The following PIK3R5 variants were observed in gnomAD, a reference collection of about 807,000 sequenced individuals.
PIK3R5 encodes the protein phosphoinositide-3-kinase regulatory subunit 5.
PIK3R5 carries 32 observed loss-of-function variants against 94.9 expected under a neutral mutation model. The ratio of observed to expected loss-of-function variants is 0.34; its 90% CI spans 0.25 to 0.45. The LOEUF (loss-of-function observed/expected upper bound fraction) is 0.45, where lower values mean the gene tolerates loss of function less well. Among genes scored for constraint, PIK3R5 ranks in the 20% least tolerant of loss-of-function variants. The pLI is 1.00. For missense variants in PIK3R5, 853 were observed against 1,144.6 expected (o/e 0.75, Z 3.68); for synonymous variants, 443 against 479.4 (o/e 0.92, Z 0.99).
chr17:8,881,421 C>A lies in PIK3R5; in HGVS notation c.2382+209G>T, dbSNP rs921521465. 6.6e-6 allele frequency among the ~76,000 whole-genome samples: 1 copy of A among 152,084 alleles called. No individual in the cohort carries two copies. Among genetic ancestry groups the A allele is most frequent in the Admixed American group, 6.5e-5 (1 of 15,274 alleles). On this transcript the variant is annotated intron_variant, in intron 17 of 18. Transcript: ENST00000447110. The surrounding 1 kb of genome is among the most constrained non-coding windows in gnomAD (Gnocchi z 4.8). Reference sequence around the variant, plus strand: ...CCCCGACACCCCGCAACACTCCACACCTGTGTGCATCCCCAAATCATACCC... The same window carrying A: ...CCCCGACACCCCGCAACACTCCACAACTGTGTGCATCCCCAAATCATACCC...
At chr17:8,919,828 T>TTCCTCTCCTCTCCTCTCCTC (rs373591842) in intron 1 of PIK3R5, among the ~76,000 whole-genome samples, 21 of 151,908 alleles carry the variant, frequency 1.4e-4, no homozygotes, top group African/African-American at 4.8e-4. Context: ...CAGAGTTTCC[T>TTCCTCTCCTCTCCTCTCCTC]TCCTCTCCTC....
chr17:8,895,315 T>G (rs954726189), intron 5 of PIK3R5, among the ~76,000 whole-genome samples: 6 of 152,196 alleles, frequency 3.9e-5, no homozygotes, highest in Non-Finnish European at 5.9e-5. Context: ...CTTTTAACAT[T>G]AACCCACACC....
chr17:8,928,282 A>G (rs761401823), intron 1 of PIK3R5, among the ~76,000 whole-genome samples: 19 of 152,186 alleles, frequency 1.2e-4, no homozygotes, highest in Non-Finnish European at 2.5e-4. Flanking sequence ...TGAGTGTGGA[A>G]CCTGAAGAGG....
chr17:8,943,291 C>A (rs150621107), intron 1 of PIK3R5, among the ~76,000 whole-genome samples: 9 of 152,078 alleles, frequency 5.9e-5, no homozygotes, highest in African/African-American at 1.2e-4. Context: ...AGTCTCAATA[C>A]GTTGTCCAGG....
At position 8,890,844 on chromosome 17, in the gene PIK3R5, G is replaced by T. The variant is rs753871554; in HGVS notation, c.551C>A (p.Thr184Lys). The T allele has an allele frequency of 1.2e-6, 2 of 1,613,440 alleles. No homozygotes were observed. The highest frequency in any genetic ancestry group is 2.2e-5 in the East Asian group (1 of 44,872). ...EFLAVANKLS[T>K]PGHSPHSAYT... ...GGCACTGTGAGGCGAGTGTCCGGGCGTACTCAGCTTATTGGCTACAGCAAG... is the reference window on the plus strand; with the variant it reads ...GGCACTGTGAGGCGAGTGTCCGGGCTTACTCAGCTTATTGGCTACAGCAAG... Residue 184 changes from threonine to lysine, a missense_variant, in exon 7 of 19, where the codon ACG (threonine) becomes AAG (lysine). Coordinates refer to ENST00000447110, the MANE Select transcript of PIK3R5 (RefSeq NM_001142633.3). The surrounding 1 kb of genome is among the most constrained non-coding windows in gnomAD (Gnocchi z 6.1).
At chr17:8,895,408 C>G (rs572833421) in intron 5 of PIK3R5, among the ~76,000 whole-genome samples, 1 of 152,328 alleles carries the variant, frequency 6.6e-6, no homozygotes, top group East Asian at 1.9e-4. Context: ...AAGCAGTAGA[C>G]TCTGACGTCG....
Position 8,904,735 on chromosome 17 carries a change from C to G in PIK3R5, c.412+42G>C. On this transcript the variant is annotated intron_variant, in intron 5 of 18. Transcript: ENST00000447110. The surrounding 1 kb of genome is among the most constrained non-coding windows in gnomAD (Gnocchi z 5.1). ...TCAGAGGAGTTGGAAGCATTCTGAC[C>G]TTCTGAGCCCTGTCCCCCGTGCCAG... 1 of 1,604,390 alleles carries G rather than the reference C, an allele frequency of 6.2e-7. No individual in the cohort carries two copies. Among genetic ancestry groups the G allele is most frequent in the Non-Finnish European group, 8.5e-7 (1 of 1,173,202 alleles).
rs2091258249 is a variant in PIK3R5, at chr17:8,945,580, T to A, written c.-14+20016A>T. ...CTAGACAGGAGGCAAAGCAGACATC[T>A]CAAATCCACCGTAGTCCAGAAACAA... On this transcript the variant is annotated intron_variant, in intron 1 of 18. Transcript: ENST00000447110. The surrounding 1 kb of genome is among the most constrained non-coding windows in gnomAD (Gnocchi z 4.0). Among the ~76,000 whole-genome samples the A allele has an allele frequency of 6.6e-6, 1 of 152,104 alleles. No homozygotes were observed. The highest frequency in any genetic ancestry group is 2.4e-5 in the African/African-American group (1 of 41,420).
At position 8,904,932 on chromosome 17, in the gene PIK3R5, C is replaced by T. The variant is rs1169210618; in HGVS notation, c.274-17G>A. On this transcript the variant is annotated splice_polypyrimidine_tract_variant and intron_variant, in intron 4 of 18. Transcript: ENST00000447110. The surrounding 1 kb of genome is among the most constrained non-coding windows in gnomAD (Gnocchi z 5.1). Reference sequence around the variant, plus strand: ...GTGTGGTGTCTAGGATGGAGGCAGGCAACAAGCAAAGAGATCTAGGTGAGA... The same window carrying T: ...GTGTGGTGTCTAGGATGGAGGCAGGTAACAAGCAAAGAGATCTAGGTGAGA... The T allele has an allele frequency of 6.2e-7, 1 of 1,610,066 alleles. No homozygotes were observed. Among genetic ancestry groups the T allele is most frequent in the Admixed American group, 1.7e-5 (1 of 59,980 alleles).
At chr17:8,891,146 C>A (rs1157425639) in intron 6 of PIK3R5, among the ~76,000 whole-genome samples, 1 of 152,144 alleles carries the variant, frequency 6.6e-6, no homozygotes, top group East Asian at 1.9e-4. Flanking sequence ...CTGTTGTTTT[C>A]AAAGATCTTT....
At chr17:8,891,435 G>A (rs558190966) in intron 6 of PIK3R5, among the ~76,000 whole-genome samples, 1 of 152,096 alleles carries the variant, frequency 6.6e-6, no homozygotes, top group Non-Finnish European at 1.5e-5. Context: ...TTCTTCCTGA[G>A]CTTATGAGGG....
Position 8,945,499 on chromosome 17 carries a change from C to A in PIK3R5, c.-14+20097G>T, listed in dbSNP as rs1417526917. ...GAGCCTGGGACAGGACTGCTAGCAGCAGTGGGAAGAGGAAGGCTGGGCATC... is the reference window on the plus strand; with the variant it reads ...GAGCCTGGGACAGGACTGCTAGCAGAAGTGGGAAGAGGAAGGCTGGGCATC... On this transcript the variant is annotated intron_variant, in intron 1 of 18. Coordinates refer to ENST00000447110, the MANE Select transcript of PIK3R5 (RefSeq NM_001142633.3). The surrounding 1 kb of genome is among the most constrained non-coding windows in gnomAD (Gnocchi z 4.0). Among the ~76,000 whole-genome samples the A allele has an allele frequency of 3.3e-5, 5 of 152,214 alleles. No individual in the cohort carries two copies. The South Asian group carries it at 1.0e-3, about 32-fold the overall frequency.
chr17:8,937,596 T>C (rs375105198), intron 1 of PIK3R5, among the ~76,000 whole-genome samples: 2 of 152,382 alleles, frequency 1.3e-5, no homozygotes, highest in African/African-American at 4.8e-5. Context: ...TTAGCTGTGA[T>C]CTATAATTCT....
Position 8,888,763 on chromosome 17 carries a change from C to T in PIK3R5, c.1024G>A (p.Glu342Lys), listed in dbSNP as rs745951703. ...CTGGTGGAGAGCAGGGAATCTCTCT[C>T]GGCACAGTGCCCGTCAGTTTCCAAG... ...EDLETDGHCA[E>K]RDSLLSTSSL... is the part of the protein sequence containing the mutation. The change falls in exon 10 of 19, where the codon GAG becomes AAG. Residue 342 changes from glutamate to lysine, a missense_variant. By Grantham distance (56) the Glu-to-Lys change is moderately conservative. Coordinates refer to ENST00000447110, the MANE Select transcript of PIK3R5 (RefSeq NM_001142633.3). The surrounding 1 kb of genome is among the most constrained non-coding windows in gnomAD (Gnocchi z 7.8). The T allele has an allele frequency of 8.7e-6, 14 of 1,613,254 alleles. No individual in the cohort carries two copies. Among genetic ancestry groups the T allele is most frequent in the Middle Eastern group, 3.3e-4 (2 of 6,084 alleles).
chr17:8,911,513 TG>T lies in PIK3R5; in HGVS notation c.-13-7del. On this transcript the variant is annotated splice_region_variant and splice_polypyrimidine_tract_variant and intron_variant, in intron 1 of 18. Coordinates refer to ENST00000447110, the MANE Select transcript of PIK3R5 (RefSeq NM_001142633.3). This position sits in a 1 kb window ranked among gnomAD's most constrained non-coding sequence, Gnocchi z 5.3. ...GCTGCATCCTGGGTCATCGCCTGCA[TG>T]GGGGACAGACGCCGGTCAGCTTGTC... 1 of 1,572,790 alleles carries T rather than the reference TG, an allele frequency of 6.4e-7. No individual in the cohort carries two copies. The highest frequency in any genetic ancestry group is 8.6e-7 in the Non-Finnish European group (1 of 1,156,492).
Position 8,901,673 on chromosome 17 carries a change from A to G in PIK3R5, c.412+3104T>C, listed in dbSNP as rs560301428. On this transcript the variant is annotated intron_variant, in intron 5 of 18. Transcript: ENST00000447110. ...TGGTGCATGTATACATTAGAAAGAG[A>G]GAAAACAAAAATGGGATTATAACAT... Among the ~76,000 whole-genome samples, 17 of 152,332 alleles carry G rather than the reference A, an allele frequency of 1.1e-4. No individual in the cohort carries two copies. In the South Asian group the frequency reaches 2.9e-3, roughly 26 times the overall value.
At position 8,880,688 on chromosome 17, in the gene PIK3R5, C is replaced by A; in HGVS notation, c.2594G>T (p.Cys865Phe). 6.2e-7 allele frequency: 1 copy of A among 1,613,752 alleles called. No homozygotes were observed. The highest frequency in any genetic ancestry group is 8.5e-7 in the Non-Finnish European group (1 of 1,179,892). Residue 865 changes from cysteine (C) to phenylalanine (F), a missense_variant, in exon 19 of 19, where the codon TGC becomes TTC. Cys to Phe is a radical substitution (Grantham distance 205). This residue lies in a region of PIK3R5 where 91 missense variants were observed against 90.5 expected (regional missense o/e 1.01). Transcript: ENST00000447110. ...DLPAQAAPDL[C>F]SLLCLPIMTF... ...CATGATGGGCAGGCAGAGAAGGGAG[C>A]AGAGATCAGGTGCGGCCTGGGCCGG...
intron 5 of PIK3R5, among the ~76,000 whole-genome samples, chr17:8,902,654 A>G (rs939987654): frequency 5.1e-4 from 77 of 152,150 alleles, no homozygotes; most frequent in Non-Finnish European, 1.2e-4. Flanking sequence ...ATGCTTTCAT[A>G]TCTGTTAGTC....
At chr17:8,934,607 A>G (rs753362846) in intron 1 of PIK3R5, among the ~76,000 whole-genome samples, 3 of 152,232 alleles carry the variant, frequency 2.0e-5, no homozygotes, top group African/African-American at 7.2e-5. Flanking sequence ...TAGCTAATAC[A>G]GTTTGGGAAA....
Sources: gnomAD v4.1 joint callset for allele counts (sites outside exome capture counted in the v4.1 genomes callset) on GRCh38, gnomAD v4.1.1 for gene constraint, gnomAD v4.1.1 regional missense constraint, Gnocchi (gnomAD v3.1) non-coding constraint, MANE v1.5 for transcripts, NCBI Gene and HGNC (gene_info 2026-07-23, HGNC 2026-07-21) for gene names.